Variants in AGBL1 observed in about 807,000 individuals in gnomAD.
AGBL1 encodes the protein AGBL carboxypeptidase 1.
A neutral mutation model predicts 118.9 loss-of-function variants in AGBL1; 130 were observed. The observed-to-expected ratio is 1.09, with a 90% CI of 0.95 to 1.26. The LOEUF is 1.26. Among genes scored for constraint, AGBL1 ranks in the 50% most tolerant of loss-of-function variants. AGBL1 has a pLI of 0.00. For synonymous variants in AGBL1, 555 were observed against 478.9 expected (o/e 1.16, Z -2.08); for missense variants, 1,584 against 1,298.1 (o/e 1.22, Z -3.38).
intron 18 of AGBL1, among the ~76,000 whole-genome samples, chr15:86,403,625 C>T (rs974919008): frequency 5.3e-5 from 8 of 152,118 alleles, no homozygotes; most frequent in African/African-American, 1.9e-4. Context: ...GAAGCTAGTT[C>T]CTTTACATAT....
At chr15:86,429,629 C>T (rs2081911120) in intron 18 of AGBL1, among the ~76,000 whole-genome samples, 1 of 152,214 alleles carries the variant, frequency 6.6e-6, no homozygotes, top group Admixed American at 6.5e-5. Flanking sequence ...CTCCCTAATA[C>T]TCATGCCCCT....
chr15:86,660,945 C>G (rs1017471982), intron 21 of AGBL1, among the ~76,000 whole-genome samples: 8 of 152,118 alleles, frequency 5.3e-5, no homozygotes, highest in African/African-American at 1.9e-4. Flanking sequence ...TAAAAATGCT[C>G]AGAACTTGAA....
intron 1 of AGBL1, among the ~76,000 whole-genome samples, chr15:86,123,200 G>A (rs1389707329): frequency 6.6e-6 from 1 of 152,026 alleles, no homozygotes; most frequent in East Asian, 1.9e-4. Context: ...GGTTTTGTCT[G>A]CATGAGAAAA....
chr15:86,175,958 C>T (rs1044365437), intron 5 of AGBL1, among the ~76,000 whole-genome samples: 1 of 152,130 alleles, frequency 6.6e-6, no homozygotes, highest in African/African-American at 2.4e-5. Flanking sequence ...AATGTGTATT[C>T]TGTAGCTGTT....
Position 86,808,908 on chromosome 15 carries a change from T to TATTC in AGBL1, c.3159-98177_3159-98174dup, listed in dbSNP as rs551206235. On this transcript the variant is annotated intron_variant, in intron 22 of 22. Transcript: ENST00000614907. Reference sequence around the variant, plus strand: ...ATTTTCTCTTTTTTTCTGAATAATTTATTCAATTACATACTCAATAACTAT... The same window carrying TATTC: ...ATTTTCTCTTTTTTTCTGAATAATTTATTCATTCAATTACATACTCAATAACTAT... Among the ~76,000 whole-genome samples, 30 of 152,270 alleles carry TATTC rather than the reference T, an allele frequency of 2.0e-4. No individual in the cohort carries two copies. In the South Asian group the frequency reaches 6.2e-3, roughly 32 times the overall value.
At chr15:86,503,706 G>A (rs1028372231) in intron 18 of AGBL1, among the ~76,000 whole-genome samples, 1 of 151,200 alleles carries the variant, frequency 6.6e-6, no homozygotes, top group African/African-American at 2.4e-5. Context: ...ATTTAGGAGT[G>A]CATTGTTTAA....
At chr15:86,614,486 A>G (rs1447395540) in intron 21 of AGBL1, among the ~76,000 whole-genome samples, 1 of 152,174 alleles carries the variant, frequency 6.6e-6, no homozygotes, top group African/African-American at 2.4e-5. Context: ...ATGTTTCATT[A>G]GTAAGAAGAT....
At chr15:86,191,064 C>T (rs1038997020) in intron 5 of AGBL1, among the ~76,000 whole-genome samples, 3 of 152,008 alleles carry the variant, frequency 2.0e-5, no homozygotes, top group African/African-American at 7.3e-5. Context: ...AGAACACAGG[C>T]CGGGTGTGGT....
At chr15:86,627,772 C>T (rs1450491918) in intron 21 of AGBL1, among the ~76,000 whole-genome samples, 1 of 152,130 alleles carries the variant, frequency 6.6e-6, no homozygotes, top group Admixed American at 6.5e-5. Context: ...GCAGCAGGGT[C>T]AGTAGTGGCA....
chr15:86,546,138 G>A lies in AGBL1; in HGVS notation c.2817+5G>A. 1 of 1,609,502 alleles carries A rather than the reference G, an allele frequency of 6.2e-7. No homozygotes were observed. The highest frequency in any genetic ancestry group is 8.5e-7 in the Non-Finnish European group (1 of 1,176,780). On this transcript the variant is annotated splice_donor_5th_base_variant and intron_variant, in intron 20 of 22. Coordinates refer to ENST00000614907, the MANE Select transcript of AGBL1 (RefSeq NM_001386094.1). ...CTAGAGGAGGTCAACTACAGGGTAA[G>A]CCGCTGTGGGGAATGACATCAGACA...
At chr15:86,258,958 G>A (rs930248180) in intron 9 of AGBL1, among the ~76,000 whole-genome samples, 3 of 152,202 alleles carry the variant, frequency 2.0e-5, no homozygotes, top group African/African-American at 7.2e-5. Context: ...GCCCGCCTCA[G>A]CCTCCCAAAG....
intron 17 of AGBL1, among the ~76,000 whole-genome samples, chr15:86,339,859 G>A (rs956042030): frequency 5.3e-5 from 8 of 151,962 alleles, no homozygotes; most frequent in African/African-American, 1.5e-4. Context: ...CCAGCTACTC[G>A]GGAGGCTGAG....
At chr15:86,824,071 T>C (rs931389397) in intron 22 of AGBL1, among the ~76,000 whole-genome samples, 3 of 151,998 alleles carry the variant, frequency 2.0e-5, no homozygotes, top group African/African-American at 7.2e-5. Flanking sequence ...CTGGAAGCTC[T>C]AGCAAGAACA....
chr15:86,226,416 A>G (rs958425716), intron 6 of AGBL1, among the ~76,000 whole-genome samples: 2 of 152,178 alleles, frequency 1.3e-5, no homozygotes, highest in African/African-American at 4.8e-5. Flanking sequence ...CAGCCTTGGC[A>G]TGGAGGACTT....
chr15:86,659,301 C>A (rs2085504733), intron 21 of AGBL1, among the ~76,000 whole-genome samples: 1 of 152,184 alleles, frequency 6.6e-6, no homozygotes, highest in South Asian at 2.1e-4. Flanking sequence ...ATTTAAAGAG[C>A]CATTAATAAA....
chr15:86,298,246 AATATATATATATATAT>A lies in AGBL1; in HGVS notation c.2374+2857_2374+2872del, dbSNP rs59968237. ...GTATACAGGGTACGTGTCTGTGTAT[AATATATATATATATAT>A]ATATATATATATATATATGGTAACT... On this transcript the variant is annotated intron_variant, in intron 17 of 22. Transcript: ENST00000614907. Among the ~76,000 whole-genome samples, 208 of 69,808 alleles carry A rather than the reference AATATATATATATATAT, an allele frequency of 3.0e-3. 8 individuals are homozygous for A. The highest frequency in any genetic ancestry group is 0.011 in the African/African-American group (169 of 15,354). 45.8% of individuals were successfully genotyped at this position (69,808 alleles called of 152,430 possible).
rs191622116 is a variant in AGBL1, at chr15:86,424,774, C to A, written c.2555+27228C>A. ...CAAAGGAAGATATTTATGTGGCCAACAAACATATGAAGAAAAGCTCATCAT... is the reference window on the plus strand; with the variant it reads ...CAAAGGAAGATATTTATGTGGCCAAAAAACATATGAAGAAAAGCTCATCAT... On this transcript the variant is annotated intron_variant, in intron 18 of 22. Coordinates refer to ENST00000614907, the MANE Select transcript of AGBL1 (RefSeq NM_001386094.1). Among the ~76,000 whole-genome samples the A allele has an allele frequency of 3.8e-4, 58 of 152,260 alleles. 1 individual carries two copies. Among genetic ancestry groups the A allele is most frequent in the African/African-American group, 1.4e-3 (57 of 41,558 alleles).
intron 18 of AGBL1, among the ~76,000 whole-genome samples, chr15:86,496,478 C>CCAA (rs1435288075): frequency 1.3e-5 from 2 of 151,902 alleles, no homozygotes; most frequent in Non-Finnish European, 2.9e-5. Context: ...TTTAAAAGAT[C>CCAA]CAATATATAG....
At chr15:86,918,323 T>C (rs934973308), downstream of AGBL1, among the ~76,000 whole-genome samples, 6 of 152,150 alleles carry the variant, frequency 3.9e-5, no homozygotes, top group Middle Eastern at 3.2e-3. Flanking sequence ...AGAGGCTGCA[T>C]TTGGGTTTGA....
Sources: gnomAD v4.1 joint callset for allele counts (sites outside exome capture counted in the v4.1 genomes callset) on GRCh38, gnomAD v4.1.1 for gene constraint, MANE v1.5 for transcripts, NCBI Gene and HGNC (gene_info 2026-07-23, HGNC 2026-07-21) for gene names.